Variants in CRYZL1 observed in about 807,000 individuals in gnomAD.
CRYZL1 encodes the protein crystallin zeta like 1, also known as ferry endosomal RAB5 effector complex subunit 4.
Under a neutral mutation model 50.6 loss-of-function variants are expected in CRYZL1, and 34 were observed. The ratio of observed to expected loss-of-function variants is 0.67; its 90% CI spans 0.51 to 0.89. CRYZL1 has a LOEUF of 0.89. Ranked by LOEUF, CRYZL1 falls within the 40% of genes least tolerant of loss-of-function variation. CRYZL1 has a pLI of 0.00. For synonymous variants in CRYZL1, 125 were observed against 134.3 expected, an observed-to-expected ratio of 0.93 and a Z score of 0.48; for missense variants, 354 against 402.3, an observed-to-expected ratio of 0.88 and a Z score of 1.03.
At chr21:33,624,093 AAGG>A (rs1323409875) in intron 3 of CRYZL1, among the ~76,000 whole-genome samples, 5 of 152,062 alleles carry the variant, frequency 3.3e-5, no homozygotes, top group African/African-American at 7.2e-5. Context: ...TTGCAATGTA[AAGG>A]AGTTTATAAA....
At chr21:33,622,696 A>G (rs1298155468) in intron 3 of CRYZL1, among the ~76,000 whole-genome samples, 1 of 152,204 alleles carries the variant, frequency 6.6e-6, no homozygotes, top group Non-Finnish European at 1.5e-5. Flanking sequence ...TTTTGAAGTA[A>G]CAGGGTATAC....
chr21:33,613,996 C>T (rs555567085), intron 5 of CRYZL1, among the ~76,000 whole-genome samples: 1 of 151,930 alleles, frequency 6.6e-6, no homozygotes, highest in East Asian at 1.9e-4. Context: ...CATGGAGAAA[C>T]CCTGTCTCTA....
intron 6 of CRYZL1, among the ~76,000 whole-genome samples, chr21:33,612,100 T>C (rs1335795462): frequency 2.0e-5 from 3 of 152,208 alleles, no homozygotes; most frequent in Non-Finnish European, 4.4e-5. Context: ...CTATCAACTC[T>C]TATGCAGTAT....
intron 6 of CRYZL1, among the ~76,000 whole-genome samples, chr21:33,612,402 T>C (rs2086881702): frequency 6.6e-6 from 1 of 151,938 alleles, no homozygotes; most frequent in Non-Finnish European, 1.5e-5. Context: ...TTCTCCTGCC[T>C]CAGCCTCCCG....
intron 4 of CRYZL1, among the ~76,000 whole-genome samples, chr21:33,619,957 T>C (rs566191286): frequency 6.6e-6 from 1 of 152,330 alleles, no homozygotes; most frequent in Non-Finnish European, 1.5e-5. Flanking sequence ...CAAGCTTACA[T>C]AATAATCTGC....
Position 33,631,523 on chromosome 21 carries a change from G to C in CRYZL1, c.29C>G (p.Ser10Cys). 1 of 1,517,534 alleles carries C rather than the reference G, an allele frequency of 6.6e-7. No individual in the cohort carries two copies. 94.0% of individuals were successfully genotyped at this position (1,517,534 alleles called of 1,614,324 possible). The change falls in exon 2 of 13, where the codon TCC becomes TGC. Residue 10 changes from serine (S) to cysteine (C), a missense_variant. By Grantham distance (112) the Ser-to-Cys change is moderately radical. Transcript: ENST00000381554. MKGLYFQQSSTDEEITFVFQ... is the reference protein window; with the variant it reads MKGLYFQQSCTDEEITFVFQ... ...TACAAATGTTATTTCTTCATCTGTGGAACTCTGTTGGAAATATAAGCCTTT... is the reference window on the plus strand; with the variant it reads ...TACAAATGTTATTTCTTCATCTGTGCAACTCTGTTGGAAATATAAGCCTTT...
chr21:33,615,044 C>A (rs1316960697), intron 5 of CRYZL1, among the ~76,000 whole-genome samples: 1 of 151,996 alleles, frequency 6.6e-6, no homozygotes, highest in East Asian at 1.9e-4. Context: ...AAAGGCAATA[C>A]TATAAAAAGC....
At chr21:33,640,393 A>G (rs1272206878) in intron 1 of CRYZL1, among the ~76,000 whole-genome samples, 2 of 151,898 alleles carry the variant, frequency 1.3e-5, no homozygotes, top group African/African-American at 4.8e-5. Context: ...TAGAAGTCAT[A>G]ACTGACCCGA....
rs1350868649 is a variant in CRYZL1, at chr21:33,612,814, T to C, written c.331+724A>G. Among the ~76,000 whole-genome samples, 3 of 152,108 alleles carry C rather than the reference T, an allele frequency of 2.0e-5. No homozygotes were observed. The East Asian group carries it at 5.8e-4, about 29-fold the overall frequency. On this transcript the variant is annotated intron_variant, in intron 6 of 12. Coordinates refer to ENST00000381554, the MANE Select transcript of CRYZL1 (RefSeq NM_145858.3). ...TAAACTCAACACTAGTCAAAAGATA[T>C]TAGAAACCAAAGATAAGTGCTCTTT...
intron 2 of CRYZL1, among the ~76,000 whole-genome samples, chr21:33,629,583 G>A (rs961363239): frequency 1.3e-5 from 2 of 152,034 alleles, no homozygotes; most frequent in African/African-American, 4.8e-5. Context: ...TTTTTATTTC[G>A]TATCCTATAA....
intron 1 of CRYZL1, among the ~76,000 whole-genome samples, chr21:33,633,963 G>A (rs778800049): frequency 2.6e-5 from 4 of 152,196 alleles, no homozygotes; most frequent in African/African-American, 4.8e-5. Context: ...ATCCAAATAC[G>A]TAAAGAGTTT....
intron 9 of CRYZL1, among the ~76,000 whole-genome samples, chr21:33,598,782 T>G (rs917533041): frequency 6.6e-6 from 1 of 151,694 alleles, no homozygotes; most frequent in Non-Finnish European, 1.5e-5. Context: ...GTAACTTTCT[T>G]AAAACATTAT....
chr21:33,595,874 G>A (rs931721002), intron 10 of CRYZL1, 38 bp from the exon 11 acceptor site: 1 of 1,353,892 alleles, frequency 7.4e-7, no homozygotes, highest in African/African-American at 1.4e-5. Context: ...CAATTATTGT[G>A]AGTTTAACAG....
intron 11 of CRYZL1, among the ~76,000 whole-genome samples, chr21:33,594,303 G>A (rs2086672637): frequency 6.6e-6 from 1 of 151,310 alleles, no homozygotes; most frequent in African/African-American, 2.4e-5. Context: ...ACAGGCGTGT[G>A]CCACCACACC....
At chr21:33,636,267 G>T (rs2087205522) in intron 1 of CRYZL1, among the ~76,000 whole-genome samples, 1 of 151,918 alleles carries the variant, frequency 6.6e-6, no homozygotes, top group African/African-American at 2.4e-5. Flanking sequence ...CTGGCGTAGT[G>T]GTGCTCACCT....
chr21:33,621,235 C>A (rs2086996763), intron 4 of CRYZL1, among the ~76,000 whole-genome samples: 1 of 148,344 alleles, frequency 6.7e-6, no homozygotes, highest in Non-Finnish European at 1.5e-5. Context: ...TTCCCTGGGC[C>A]ATACTGGAAG....
intron 12 of CRYZL1, 49 bp from the exon 13 acceptor site, chr21:33,589,970 GAACA>G (rs2086626057): frequency 1.9e-6 from 2 of 1,077,064 alleles, no homozygotes; most frequent in Non-Finnish European, 2.8e-6. Flanking sequence ...AAGATAAGTA[GAACA>G]AACAGGGTGG....
intron 1 of CRYZL1, among the ~76,000 whole-genome samples, chr21:33,637,093 A>C (rs944082402): frequency 2.6e-5 from 4 of 152,202 alleles, no homozygotes; most frequent in African/African-American, 4.8e-5. Flanking sequence ...TTTAACAGAC[A>C]CAAAGCTGGA....
chr21:33,591,312 G>A, intron 11 of CRYZL1, 105 bp from the exon 12 acceptor site: 1 of 887,180 alleles, frequency 1.1e-6, no homozygotes, highest in Non-Finnish European at 1.9e-6. Context: ...TTCAAGTTTT[G>A]CACTCTCAGA....
Sources: gnomAD v4.1 joint callset for allele counts (sites outside exome capture counted in the v4.1 genomes callset) on GRCh38, gnomAD v4.1.1 for gene constraint, MANE v1.5 for transcripts, NCBI Gene and HGNC (gene_info 2026-07-23, HGNC 2026-07-21) for gene names.